Variants in PTPRD observed in about 807,000 individuals in gnomAD.
PTPRD encodes the protein protein tyrosine phosphatase receptor type D.
PTPRD carries 34 observed loss-of-function variants against 214.5 expected under a neutral mutation model. The observed-to-expected ratio is 0.16, with a 90% CI of 0.12 to 0.21. The LOEUF is 0.21. Ranked by LOEUF, PTPRD falls within the 10% of genes least tolerant of loss-of-function variation. The pLI is 1.00. For synonymous variants in PTPRD, 1,128 were observed against 845.7 expected (o/e 1.33, Z -5.79); for missense variants, 2,545 against 2,398.7 (o/e 1.06, Z -1.27).
At chr9:9,953,691 G>A (rs1305773849) in intron 4 of PTPRD, among the ~76,000 whole-genome samples, 3 of 152,090 alleles carry the variant, frequency 2.0e-5, no homozygotes, top group African/African-American at 7.2e-5. Flanking sequence ...GATCCCCTCA[G>A]TCCCATGTTT....
intron 10 of PTPRD, among the ~76,000 whole-genome samples, chr9:9,072,723 G>C (rs1004081722): frequency 2.0e-5 from 3 of 152,102 alleles, no homozygotes; most frequent in Admixed American, 2.0e-4. Flanking sequence ...GAAATCTTAC[G>C]TAGCAGGGAC....
intron 21 of PTPRD, among the ~76,000 whole-genome samples, chr9:8,510,463 T>C (rs916361261): frequency 2.6e-5 from 4 of 152,166 alleles, no homozygotes; most frequent in Non-Finnish European, 5.9e-5. Flanking sequence ...TGACAGCAGG[T>C]TGCTGCCTTG....
chr9:8,904,296 C>T lies in PTPRD; in HGVS notation c.-104+114401G>A, dbSNP rs550560220. ...CAGTAAATTTAAGATTGATATGATG[C>T]TCTTATGTAATATATATCCATATTC... On this transcript the variant is annotated intron_variant, in intron 11 of 45. Coordinates refer to ENST00000381196, the MANE Select transcript of PTPRD (RefSeq NM_002839.4). Among the ~76,000 whole-genome samples, 4 of 152,222 alleles carry T rather than the reference C, an allele frequency of 2.6e-5. 1 individual carries two copies. The South Asian group carries it at 6.2e-4, about 24-fold the overall frequency.
intron 4 of PTPRD, among the ~76,000 whole-genome samples, chr9:9,998,133 T>A (rs868336254): frequency 1.4e-4 from 14 of 101,214 alleles, no homozygotes; most frequent in South Asian, 6.2e-4. Context: ...AAAAAAAATA[T>A]ATATATATAT....
At position 9,572,904 on chromosome 9, in the gene PTPRD, C is replaced by CT. The variant is rs141456459; in HGVS notation, c.-237+1827dup. Among the ~76,000 whole-genome samples the CT allele has an allele frequency of 6.9e-4, 105 of 151,608 alleles. No homozygotes were observed. In the East Asian group the frequency reaches 0.014, roughly 21 times the overall value. On this transcript the variant is annotated intron_variant, in intron 8 of 45. Coordinates refer to ENST00000381196, the MANE Select transcript of PTPRD (RefSeq NM_002839.4). ...GGATGAAAAACCCCGGTGTCAGTGA[C>CT]TATAGGGAGCAACTGAACTCTTATA...
intron 9 of PTPRD, among the ~76,000 whole-genome samples, chr9:9,305,405 A>G (rs186668762): frequency 6.6e-6 from 1 of 152,120 alleles, no homozygotes; most frequent in Non-Finnish European, 1.5e-5. Flanking sequence ...GAGGCACTGT[A>G]TAAGGTCTTA....
intron 7 of PTPRD, among the ~76,000 whole-genome samples, chr9:9,613,375 C>A (rs1173245884): frequency 6.6e-6 from 1 of 151,770 alleles, no homozygotes; most frequent in Non-Finnish European, 1.5e-5. Context: ...AAGACATTGG[C>A]TTGAGTTCTA....
chr9:8,940,236 C>T (rs911599993), intron 11 of PTPRD, among the ~76,000 whole-genome samples: 1 of 145,056 alleles, frequency 6.9e-6, no homozygotes, highest in Non-Finnish European at 1.5e-5. Flanking sequence ...CCCCAGAAGA[C>T]TAAATTGACT....
intron 21 of PTPRD, among the ~76,000 whole-genome samples, chr9:8,514,105 C>T (rs1173217740): frequency 5.9e-5 from 9 of 151,930 alleles, no homozygotes; most frequent in South Asian, 2.1e-4. Context: ...ACTCAGTTGC[C>T]CCTCTGATAA....
intron 3 of PTPRD, among the ~76,000 whole-genome samples, chr9:10,081,072 T>C (rs2154189126): frequency 6.6e-6 from 1 of 152,216 alleles, no homozygotes; most frequent in African/African-American, 2.4e-5. Flanking sequence ...AGAATATTTC[T>C]CTTTCTCCTT....
intron 11 of PTPRD, among the ~76,000 whole-genome samples, chr9:8,739,978 T>A (rs7039258): frequency 0.073 from 11,133 of 152,196 alleles, 1,091 homozygotes; most frequent in African/African-American, 0.23. Context: ...GAACTGTAAG[T>A]CCATTAAACC....
At chr9:9,013,930 A>C (rs1232523418) in intron 11 of PTPRD, among the ~76,000 whole-genome samples, 1 of 152,164 alleles carries the variant, frequency 6.6e-6, no homozygotes, top group Non-Finnish European at 1.5e-5. Flanking sequence ...TGTTGGGTGC[A>C]TCTTGCAGTT....
intron 14 of PTPRD, among the ~76,000 whole-genome samples, chr9:8,557,437 T>C (rs2084245614): frequency 7.4e-6 from 1 of 134,346 alleles, no homozygotes; most frequent in Non-Finnish European, 1.5e-5. Context: ...TGTAAATACA[T>C]ATATATATAT....
chr9:9,890,999 A>G (rs1009320972), intron 5 of PTPRD, among the ~76,000 whole-genome samples: 1 of 152,160 alleles, frequency 6.6e-6, no homozygotes, highest in African/African-American at 2.4e-5. Context: ...AACATGCAAA[A>G]TGGAAATGCA....
chr9:9,285,381 T>C (rs1949033545), intron 9 of PTPRD, among the ~76,000 whole-genome samples: 1 of 151,824 alleles, frequency 6.6e-6, no homozygotes, highest in African/African-American at 2.4e-5. Context: ...CTATAAAGAA[T>C]GATAAAGACT....
At chr9:8,639,932 T>G (rs879849808) in intron 12 of PTPRD, among the ~76,000 whole-genome samples, 1 of 152,140 alleles carries the variant, frequency 6.6e-6, no homozygotes, top group Non-Finnish European at 1.5e-5. Context: ...GGCATTGAAG[T>G]TTTTTGTTTG....
intron 5 of PTPRD, among the ~76,000 whole-genome samples, chr9:9,894,988 T>C (rs1208967238): frequency 1.3e-5 from 2 of 152,058 alleles, no homozygotes; most frequent in Admixed American, 6.6e-5. Flanking sequence ...AAAAAATCTT[T>C]CTAGAAAAAA....
intron 9 of PTPRD, among the ~76,000 whole-genome samples, chr9:9,294,796 C>T (rs1484132970): frequency 6.6e-6 from 1 of 151,458 alleles, no homozygotes; most frequent in Non-Finnish European, 1.5e-5. Context: ...GTTATGGTAG[C>T]CTGAGCAAAC....
chr9:10,243,696 C>A (rs2091557277), intron 3 of PTPRD, among the ~76,000 whole-genome samples: 1 of 151,850 alleles, frequency 6.6e-6, no homozygotes, highest in Admixed American at 6.6e-5. Context: ...CTACAAACAC[C>A]TGGTATATAA....
Sources: allele counts gnomAD v4.1 joint callset (sites outside exome capture counted in the v4.1 genomes callset), GRCh38; gene constraint gnomAD v4.1.1; transcripts MANE v1.5; gene names NCBI Gene and HGNC (gene_info 2026-07-23, HGNC 2026-07-21).